The following BICD1 variants were observed in gnomAD, a reference collection of about 807,000 sequenced individuals.
The protein encoded by BICD1 is BICD cargo adaptor 1, also known as protein bicaudal D homolog 1.
In BICD1, 35 loss-of-function variants were observed where a neutral mutation model predicts 92.5. That is an observed-to-expected ratio of 0.38 (90% confidence interval 0.29 to 0.50). The LOEUF (loss-of-function observed/expected upper bound fraction) is 0.50, where lower values mean the gene tolerates loss of function less well. Among genes scored for constraint, BICD1 ranks in the 20% least tolerant of loss-of-function variants. BICD1 has a pLI of 0.93. For missense variants in BICD1, 950 were observed against 1,189.8 expected (o/e 0.80, Z 2.97); for synonymous variants, 429 against 465.1 (o/e 0.92, Z 1.00).
intron 5 of BICD1, among the ~76,000 whole-genome samples, chr12:32,333,501 G>C (rs527850782): frequency 9.3e-5 from 14 of 150,626 alleles, no homozygotes; most frequent in Non-Finnish European, 1.5e-4. Flanking sequence ...CCCATTTCAA[G>C]CAACAAAAAG....
chr12:32,247,790 C>CA (rs946167914), intron 2 of BICD1, among the ~76,000 whole-genome samples: 10 of 145,376 alleles, frequency 6.9e-5, no homozygotes, highest in East Asian at 2.1e-4. Flanking sequence ...AAGACTGTCT[C>CA]AAAAAAAAAG....
intron 7 of BICD1, 83 bp from the exon 8 acceptor site, chr12:32,338,703 G>T (rs1938233316): frequency 2.8e-6 from 3 of 1,090,548 alleles, no homozygotes; most frequent in African/African-American, 3.4e-5. Flanking sequence ...TATAAATAAT[G>T]TTGTCACTGG....
intron 3 of BICD1, among the ~76,000 whole-genome samples, chr12:32,300,864 T>G (rs1201163735): frequency 1.3e-5 from 2 of 151,380 alleles, no homozygotes; most frequent in South Asian, 2.1e-4. Flanking sequence ...TGTTAGCCAG[T>G]ATGGTCTTGA....
chr12:32,186,826 G>A (rs753813563), intron 1 of BICD1, among the ~76,000 whole-genome samples: 8 of 152,150 alleles, frequency 5.3e-5, no homozygotes, highest in Admixed American at 1.3e-4. Flanking sequence ...TTATGGAAAT[G>A]TTTGAGATCC....
intron 2 of BICD1, among the ~76,000 whole-genome samples, chr12:32,238,585 C>A (rs1441707784): frequency 1.3e-5 from 2 of 152,204 alleles, no homozygotes. Flanking sequence ...AACAGCATTG[C>A]ATGCTTCAGA....
chr12:32,192,738 G>A (rs533117473), intron 1 of BICD1, among the ~76,000 whole-genome samples: 49 of 152,306 alleles, frequency 3.2e-4, no homozygotes, highest in Middle Eastern at 6.8e-3. Context: ...TGTAGGGGCC[G>A]CAGCAAGTCA....
In BICD1 at chr12:32,377,593, C is replaced by A. The variant is rs770033744; in HGVS notation, c.2894C>A (p.Pro965His). ...EQPHSSSQCA[P>H]LHCLSKPPHP The stretch of plus-strand genomic sequence containing the variant: ...CCACATTCCAGCTCCCAGTGCGCCC[C>A]TCTCCACTGTCTCTCCAAGCCTCCT... Residue 965 changes from proline (P) to histidine (H), a missense_variant, in exon 10 of 10, where the codon CCT (proline) becomes CAT (histidine). By Grantham distance (77) the Pro-to-His change is moderately conservative. This residue lies in a region of BICD1 where 179 missense variants were observed against 186.7 expected (regional missense o/e 0.96). Transcript: ENST00000652176. 1 of 1,614,138 alleles carries A rather than the reference C, an allele frequency of 6.2e-7. No homozygotes were observed. The highest frequency in any genetic ancestry group is 1.7e-5 in the Admixed American group (1 of 60,020).
At chr12:32,330,626 A>G (rs1937814826) in intron 5 of BICD1, among the ~76,000 whole-genome samples, 1 of 151,608 alleles carries the variant, frequency 6.6e-6, no homozygotes, top group Non-Finnish European at 1.5e-5. Context: ...ATTAGAGTGA[A>G]TGAAGAATTT....
intron 8 of BICD1, among the ~76,000 whole-genome samples, chr12:32,357,881 G>T (rs888776792): frequency 6.6e-6 from 1 of 152,148 alleles, no homozygotes; most frequent in Non-Finnish European, 1.5e-5. Flanking sequence ...AAGGTTCTGA[G>T]AGTTAGGGCT....
At chr12:32,367,412 A>G (rs1415321594) in intron 8 of BICD1, 4 of 340,688 alleles carry the variant, frequency 1.2e-5, no homozygotes, top group Non-Finnish European at 1.6e-5. Flanking sequence ...AAATGGCCAC[A>G]TATATCCTAA....
rs968828381 is a variant in BICD1, at chr12:32,313,323, T to C, written c.1005+7201T>C. ...ATGTTAAGTGGTGATGGTAATTTGC[T>C]ATATGTCCCATAAGAGTTCAAAGCA... is the stretch of plus-strand genomic sequence containing the variant. On this transcript the variant is annotated intron_variant, in intron 4 of 9. Transcript: ENST00000652176. This position sits in a 1 kb window ranked among gnomAD's most constrained non-coding sequence, Gnocchi z 4.2. Among the ~76,000 whole-genome samples the C allele has an allele frequency of 2.0e-5, 3 of 152,226 alleles. No individual in the cohort carries two copies. Among genetic ancestry groups the C allele is most frequent in the Non-Finnish European group, 4.4e-5 (3 of 68,034 alleles).
intron 1 of BICD1, among the ~76,000 whole-genome samples, chr12:32,148,273 T>G (rs1258396152): frequency 6.6e-6 from 1 of 152,048 alleles, no homozygotes; most frequent in Non-Finnish European, 1.5e-5. Context: ...CACACTAGGT[T>G]TTCAGAGTCT....
intron 1 of BICD1, among the ~76,000 whole-genome samples, chr12:32,177,144 A>G (rs531455170): frequency 1.3e-5 from 2 of 151,754 alleles, no homozygotes; most frequent in Non-Finnish European, 2.9e-5. Flanking sequence ...GTGAAACCCC[A>G]TCTCTACTAG....
Position 32,378,747 on chromosome 12 carries a change from A to G in BICD1, c.*1120A>G, listed in dbSNP as rs1940081169. On this transcript the variant is annotated 3_prime_UTR_variant, in exon 10 of 10. Coordinates refer to ENST00000652176, the MANE Select transcript of BICD1 (RefSeq NM_001714.4). ...TTGTTGTTAGTTTTTTTCATAACGA[A>G]TCTTCCTTGCCAAAAAAACAATAGA... 6.6e-6 allele frequency: 1 copy of G among 152,156 alleles called. No individual in the cohort carries two copies. Among genetic ancestry groups the G allele is most frequent in the Admixed American group, 6.6e-5 (1 of 15,262 alleles). The allele number at this position is 152,156 out of a possible 1,614,324, so 9.4% of individuals were successfully genotyped here.
intron 3 of BICD1, among the ~76,000 whole-genome samples, chr12:32,300,192 C>T (rs1565652868): frequency 6.6e-6 from 1 of 151,990 alleles, no homozygotes; most frequent in Non-Finnish European, 1.5e-5. Context: ...AGCTCTGCCT[C>T]CCGGGTTCAC....
intron 1 of BICD1, among the ~76,000 whole-genome samples, chr12:32,131,551 G>T (rs954398629): frequency 9.9e-5 from 15 of 152,056 alleles, no homozygotes; most frequent in African/African-American, 3.6e-4. Flanking sequence ...GGTGATTTGG[G>T]ATATTTTAAG....
At position 32,234,829 on chromosome 12, in the gene BICD1, C is replaced by T. The variant is rs552962509; in HGVS notation, c.426+18370C>T. 1.7e-4 allele frequency among the ~76,000 whole-genome samples: 26 copies of T among 151,812 alleles called. 2 individuals are homozygous for T. Among genetic ancestry groups the T allele is most frequent in the Middle Eastern group, 3.4e-3 (1 of 294 alleles). The stretch of plus-strand genomic sequence containing the variant: ...CTTCCTGAGTAGCTGGGACTACAGC[C>T]ATGTGCCATCACACCTGAATAATTT... On this transcript the variant is annotated intron_variant, in intron 2 of 9. Transcript: ENST00000652176.
chr12:32,240,481 G>A (rs1946205539), intron 2 of BICD1, among the ~76,000 whole-genome samples: 1 of 152,178 alleles, frequency 6.6e-6, no homozygotes, highest in Admixed American at 6.5e-5. Flanking sequence ...CAGCAGCCGT[G>A]TAGCATCTTG....
chr12:32,149,296 A>G (rs1341203547), intron 1 of BICD1, among the ~76,000 whole-genome samples: 3 of 152,186 alleles, frequency 2.0e-5, no homozygotes, highest in East Asian at 1.9e-4. Flanking sequence ...GGGGTCCACT[A>G]TGAATGATAG....
Sources: gnomAD v4.1 joint callset for allele counts (sites outside exome capture counted in the v4.1 genomes callset) on GRCh38, gnomAD v4.1.1 for gene constraint, gnomAD v4.1.1 regional missense constraint, Gnocchi (gnomAD v3.1) non-coding constraint, MANE v1.5 for transcripts, NCBI Gene and HGNC (gene_info 2026-07-23, HGNC 2026-07-21) for gene names.